Variants in CSMD1 observed in about 807,000 individuals in gnomAD.
CSMD1 encodes CUB and sushi domain-containing protein 1.
Under a neutral mutation model 417.5 loss-of-function variants are expected in CSMD1, and 213 were observed. The observed-to-expected ratio is 0.51, with a 90% CI of 0.46 to 0.57. The LOEUF (loss-of-function observed/expected upper bound fraction) is 0.57, where lower values mean the gene tolerates loss of function less well. Among genes scored for constraint, CSMD1 ranks in the 20% least tolerant of loss-of-function variants. The probability of loss-of-function intolerance (pLI) is 0.00; values close to 1 mark genes in which losing one functional copy is unlikely to be tolerated. For missense variants in CSMD1, 6,923 were observed against 4,529.7 expected (o/e 1.53, Z -15.17); for synonymous variants, 2,862 against 1,736.8 (o/e 1.65, Z -16.11).
rs779267560 is a variant in CSMD1, at chr8:3,308,369, G to A, written c.3766C>T (p.Leu1256=). Residue 1256 remains leucine, a synonymous_variant, in exon 24 of 70, where the codon CTG becomes TTG. Transcript: ENST00000635120. ...PGYAMHGSNT[L]TCLSGDRRVW... ...CTCCTGTCTCCACTCAAACAGGTCA[G>A]GGTGTTGCTGCCATGCATGGCGTAC... 1.9e-6 allele frequency: 3 copies of A among 1,613,660 alleles called. No individual in the cohort carries two copies. Among genetic ancestry groups the A allele is most frequent in the East Asian group, 2.2e-5 (1 of 44,844 alleles).
At chr8:4,838,919 C>T (rs561875530) in intron 1 of CSMD1, among the ~76,000 whole-genome samples, 2 of 152,310 alleles carry the variant, frequency 1.3e-5, no homozygotes, top group South Asian at 4.1e-4. Context: ...GTTACATAAA[C>T]TTATTTTATG....
At chr8:3,844,025 T>C (rs1297295209) in intron 5 of CSMD1, among the ~76,000 whole-genome samples, 5 of 152,216 alleles carry the variant, frequency 3.3e-5, no homozygotes, top group Admixed American at 6.5e-5. Flanking sequence ...TAGTCATTGT[T>C]ATTACAATGG....
chr8:4,174,510 T>A (rs547124803), intron 3 of CSMD1, among the ~76,000 whole-genome samples: 1 of 151,196 alleles, frequency 6.6e-6, no homozygotes, highest in Non-Finnish European at 1.5e-5. Flanking sequence ...TGGGTATATA[T>A]AATAAATGAC....
At chr8:3,827,909 T>C (rs1299512515) in intron 5 of CSMD1, among the ~76,000 whole-genome samples, 1 of 152,180 alleles carries the variant, frequency 6.6e-6, no homozygotes, top group East Asian at 1.9e-4. Flanking sequence ...AAGGAAACAA[T>C]ATAGTAAGCA....
chr8:4,353,082 C>G (rs1801192508), intron 3 of CSMD1, among the ~76,000 whole-genome samples: 1 of 152,170 alleles, frequency 6.6e-6, no homozygotes, highest in Non-Finnish European at 1.5e-5. Flanking sequence ...GTCAACTTCA[C>G]TTATTTTTTA....
intron 1 of CSMD1, among the ~76,000 whole-genome samples, chr8:4,797,382 G>C (rs890390349): frequency 1.3e-5 from 2 of 152,284 alleles, no homozygotes; most frequent in East Asian, 3.9e-4. Context: ...TGTTCCGCCT[G>C]AATCTAGGGA....
At chr8:4,110,240 CTG>C (rs1242026580) in intron 3 of CSMD1, among the ~76,000 whole-genome samples, 1 of 152,080 alleles carries the variant, frequency 6.6e-6, no homozygotes, top group African/African-American at 2.4e-5. Flanking sequence ...TAAAACAAGA[CTG>C]AAAGCTTGGC....
chr8:4,656,277 GC>G (rs780263733), intron 1 of CSMD1, among the ~76,000 whole-genome samples: 3 of 152,010 alleles, frequency 2.0e-5, no homozygotes, highest in Non-Finnish European at 4.4e-5. Context: ...AAGCCAGTGA[GC>G]CTAGTGAAGA....
rs571240238 is a variant in CSMD1 at position 4,975,594 on chromosome 8, C to G, written c.85+18738G>C. 3.9e-5 allele frequency among the ~76,000 whole-genome samples: 6 copies of G among 152,192 alleles called. No individual in the cohort carries two copies. In the East Asian group the frequency reaches 7.8e-4, roughly 20 times the overall value. Reference sequence around the variant, plus strand: ...ATACAGTGGAGTTTGGACTAGAAACCCCATCCTGTAGGCTCCAGGTACAAG... The same window carrying G: ...ATACAGTGGAGTTTGGACTAGAAACGCCATCCTGTAGGCTCCAGGTACAAG... On this transcript the variant is annotated intron_variant, in intron 1 of 69. Coordinates refer to ENST00000635120, the MANE Select transcript of CSMD1 (RefSeq NM_033225.6).
chr8:4,700,950 C>A (rs1395711772), intron 1 of CSMD1, among the ~76,000 whole-genome samples: 1 of 152,204 alleles, frequency 6.6e-6, no homozygotes, highest in Non-Finnish European at 1.5e-5. Context: ...ATCAAGTAAC[C>A]TTCGGTCTCC....
intron 52 of CSMD1, among the ~76,000 whole-genome samples, chr8:3,017,739 T>C (rs915569484): frequency 6.7e-6 from 1 of 149,044 alleles, no homozygotes; most frequent in African/African-American, 2.5e-5. Context: ...GCTTAGTTCC[T>C]GAAGTGATCT....
chr8:3,861,711 C>T (rs571964165), intron 5 of CSMD1, among the ~76,000 whole-genome samples: 1 of 151,988 alleles, frequency 6.6e-6, no homozygotes, highest in Non-Finnish European at 1.5e-5. Context: ...GGTTTTTATT[C>T]GTTTTGTGTT....
chr8:3,591,668 A>T (rs1800851568), intron 8 of CSMD1, among the ~76,000 whole-genome samples: 1 of 152,192 alleles, frequency 6.6e-6, no homozygotes, highest in Non-Finnish European at 1.5e-5. Flanking sequence ...CTGCTGATGC[A>T]ACCAATAGAT....
chr8:3,039,326 CCTTT>C (rs777708279), intron 50 of CSMD1, among the ~76,000 whole-genome samples: 6 of 150,390 alleles, frequency 4.0e-5, no homozygotes, highest in African/African-American at 9.9e-5. Flanking sequence ...TCCTTCTTTT[CCTTT>C]CTTTCTTCCT....
rs369107290 is a variant in CSMD1 at position 4,994,342 on chromosome 8, A to G, written c.75T>C (p.Thr25=). The G allele has an allele frequency of 1.9e-6, 3 of 1,610,904 alleles. No individual in the cohort carries two copies. The highest frequency in any genetic ancestry group is 2.2e-5 in the East Asian group (1 of 44,850). ...GLLVLCARLL[T]AAKGQNCGGL... ...GCAAGTCCGTCTTACCCTTCGCTGCAGTGAGGAGCCTCGCGCACAGCACCA... is the reference window on the plus strand; with the variant it reads ...GCAAGTCCGTCTTACCCTTCGCTGCGGTGAGGAGCCTCGCGCACAGCACCA... The change falls in exon 1 of 70, where the codon ACT becomes ACC. Residue 25 remains threonine, a synonymous_variant. Transcript: ENST00000635120.
intron 3 of CSMD1, among the ~76,000 whole-genome samples, chr8:4,039,124 G>C (rs1225468302): frequency 1.3e-5 from 2 of 152,114 alleles, no homozygotes; most frequent in African/African-American, 2.4e-5. Context: ...ATTCATCAAA[G>C]CAACGGCAGC....
chr8:4,849,508 G>A (rs1470714295), intron 1 of CSMD1, among the ~76,000 whole-genome samples: 2 of 152,034 alleles, frequency 1.3e-5, no homozygotes, highest in Non-Finnish European at 1.5e-5. Flanking sequence ...CTCACTCACC[G>A]ACTCCTACAG....
chr8:3,632,906 T>G (rs577904434), intron 7 of CSMD1, among the ~76,000 whole-genome samples: 1 of 152,210 alleles, frequency 6.6e-6, no homozygotes, highest in African/African-American at 2.4e-5. Context: ...GACAACAAAA[T>G]GAAGCAAGGG....
chr8:4,139,722 A>T (rs1005962526), intron 3 of CSMD1, among the ~76,000 whole-genome samples: 8 of 151,152 alleles, frequency 5.3e-5, no homozygotes, highest in Admixed American at 1.3e-4. Context: ...GCCCCGAGTG[A>T]TGCTTGAGTA....
Sources: allele counts gnomAD v4.1 joint callset (sites outside exome capture counted in the v4.1 genomes callset), GRCh38; gene constraint gnomAD v4.1.1; transcripts MANE v1.5; gene names NCBI Gene and HGNC (gene_info 2026-07-23, HGNC 2026-07-21).